LRCH2: variants seen among roughly 807,000 people sequenced by gnomAD.
The protein encoded by LRCH2 is leucine rich repeats and calponin homology domain containing 2, also known as leucine-rich repeat and calponin homology domain-containing protein 2.
A neutral mutation model predicts 68.9 loss-of-function variants in LRCH2; 38 were observed. The ratio of observed to expected loss-of-function variants is 0.55; its 90% confidence interval spans 0.43 to 0.72. LRCH2 has a LOEUF of 0.72. Ranked by LOEUF, LRCH2 falls within the 30% of genes least tolerant of loss-of-function variation. The pLI is 0.00. For synonymous variants in LRCH2, 191 were observed against 208.1 expected, an observed-to-expected ratio of 0.92 and a Z score of 0.71; for missense variants, 528 against 572.9, an observed-to-expected ratio of 0.92 and a Z score of 0.80.
intron 1 of LRCH2, among the ~76,000 whole-genome samples, chrX:115,210,705 C>A (rs1324077973): frequency 9.0e-6 from 1 of 111,197 alleles, no homozygotes; most frequent in Non-Finnish European, 1.9e-5. Flanking sequence ...CCTGGAAAGG[C>A]CACAGACACT....
At chrX:115,166,010 T>C in intron 7 of LRCH2, 58 bp from the exon 8 acceptor site, 1 of 850,716 alleles carries the variant, frequency 1.2e-6, no homozygotes, top group Non-Finnish European at 1.7e-6. Context: ...ATATGGATTA[T>C]GTTACTTCAA....
chrX:115,200,050 A>C (rs2072919226), intron 1 of LRCH2, among the ~76,000 whole-genome samples: 1 of 112,524 alleles, frequency 8.9e-6, no homozygotes, highest in Non-Finnish European at 1.9e-5. Flanking sequence ...CATTGGATCA[A>C]AGAAGAAATT....
chrX:115,125,596 C>T (rs1329787918), intron 16 of LRCH2, among the ~76,000 whole-genome samples: 2 of 18,792 alleles, frequency 1.1e-4, no homozygotes, highest in Admixed American at 1.0e-3. Flanking sequence ...TATATATACA[C>T]ATATATATAC....
chrX:115,160,331 A>T (rs2072510077), intron 11 of LRCH2, among the ~76,000 whole-genome samples: 1 of 111,641 alleles, frequency 9.0e-6, no homozygotes, highest in African/African-American at 3.3e-5. Flanking sequence ...ATATTAAAAA[A>T]AAATAAATTA....
intron 3 of LRCH2, among the ~76,000 whole-genome samples, chrX:115,181,830 CAGTT>C (rs2072693742): frequency 9.0e-6 from 1 of 111,673 alleles, no homozygotes; most frequent in South Asian, 3.7e-4. Flanking sequence ...AATTAAAAAA[CAGTT>C]GGTCCTCTGT....
chrX:115,118,054 C>T (rs1458914533), intron 20 of LRCH2, among the ~76,000 whole-genome samples: 2 of 109,432 alleles, frequency 1.8e-5, no homozygotes, highest in Non-Finnish European at 3.8e-5. Flanking sequence ...AAAATAAAAC[C>T]CTTAAAACAA....
chrX:115,154,574 A>G (rs782688274), intron 12 of LRCH2, among the ~76,000 whole-genome samples: 2 of 111,973 alleles, frequency 1.8e-5, no homozygotes, highest in African/African-American at 6.5e-5. Flanking sequence ...ACAAATTACA[A>G]AAGAAGCAAT....
intron 14 of LRCH2, among the ~76,000 whole-genome samples, chrX:115,131,254 C>CT (rs1361041081): frequency 1.2e-5 from 1 of 85,121 alleles, no homozygotes; most frequent in African/African-American, 5.6e-5. Flanking sequence ...AATCCCTCCC[C>CT]CCCCCTCCAC....
intron 1 of LRCH2, among the ~76,000 whole-genome samples, chrX:115,205,201 C>A (rs183760935): frequency 4.5e-5 from 5 of 111,651 alleles, no homozygotes; most frequent in Non-Finnish European, 9.4e-5. Context: ...GGGAAACCAC[C>A]CTCATGATCC....
intron 8 of LRCH2, 37 bp from the exon 9 acceptor site, chrX:115,165,692 A>G (rs782783196): frequency 1.0e-6 from 1 of 999,936 alleles, no homozygotes; most frequent in Admixed American, 2.9e-5. Flanking sequence ...AAATGTACAT[A>G]GTAAACTGTA....
intron 5 of LRCH2, among the ~76,000 whole-genome samples, chrX:115,171,666 TTTTTTTTG>T (rs2072605154): frequency 1.8e-5 from 2 of 109,734 alleles, no homozygotes; most frequent in East Asian, 2.8e-4. Context: ...CTACTTCTCC[TTTTTTTTG>T]TTTTTTTGTT....
chrX:115,179,478 A>T lies in LRCH2; in HGVS notation c.813T>A (p.His271Gln), dbSNP rs2072675504. 2 of 1,152,846 alleles carry T rather than the reference A, an allele frequency of 1.7e-6. No homozygotes were observed. Among genetic ancestry groups the T allele is most frequent in the Non-Finnish European group, 2.3e-6 (2 of 865,906 alleles). The part of the protein sequence containing the change: ...EIPVCYRKLH[H>Q]LQVIILDNNP... The stretch of plus-strand genomic sequence containing the variant: ...TGTTATCCAAAATTATTACTTGTAA[A>T]TGATGCAGCTTTCTGTAACAAACTG... Residue 271 changes from histidine (H) to glutamine (Q), a missense_variant, in exon 5 of 21, where the codon CAT (histidine) becomes CAA (glutamine). His to Gln is a conservative substitution (Grantham distance 24, BLOSUM62 0). Transcript: ENST00000317135.
chrX:115,149,575 T>A (rs960865882), intron 14 of LRCH2, among the ~76,000 whole-genome samples: 1 of 111,822 alleles, frequency 8.9e-6, no homozygotes, highest in Non-Finnish European at 1.9e-5. Flanking sequence ...CAACTAGCAG[T>A]GCAGCAAACA....
intron 8 of LRCH2, 41 bp downstream of exon 8, chrX:115,165,800 T>C (rs782662255): frequency 9.9e-7 from 1 of 1,014,557 alleles, no homozygotes; most frequent in South Asian, 2.2e-5. Context: ...TAATGTGGGC[T>C]ATGTACATGA....
intron 1 of LRCH2, chrX:115,189,380 C>T: frequency 1.8e-6 from 2 of 1,110,343 alleles, no homozygotes; most frequent in Non-Finnish European, 2.4e-6. Flanking sequence ...GCTCGAAGGC[C>T]GCGACTGAAC....
At chrX:115,164,720 G>A (rs1556543657) in intron 10 of LRCH2, among the ~76,000 whole-genome samples, 1 of 110,559 alleles carries the variant, frequency 9.0e-6, no homozygotes, top group East Asian at 2.8e-4. Flanking sequence ...AAAAAATGAG[G>A]TCAGTATCTA....
chrX:115,184,627 T>C, intron 2 of LRCH2, 90 bp from the exon 3 acceptor site: 5 of 828,877 alleles, frequency 6.0e-6, no homozygotes, highest in Non-Finnish European at 8.1e-6. Context: ...TAAATAATAT[T>C]CTATCACTAA....
intron 20 of LRCH2, 121 bp downstream of exon 20, chrX:115,122,406 C>G: frequency 1.9e-6 from 1 of 526,625 alleles, no homozygotes; most frequent in Non-Finnish European, 3.1e-6. Context: ...GGAGAAGGTA[C>G]CAAGAGAAGG....
At chrX:115,173,392 C>A (rs965158115) in intron 5 of LRCH2, among the ~76,000 whole-genome samples, 1 of 111,510 alleles carries the variant, frequency 9.0e-6, no homozygotes, top group Non-Finnish European at 1.9e-5. Flanking sequence ...CACTGCCAAC[C>A]CCTCGAGTAG....
Sources: allele counts gnomAD v4.1 joint callset (sites outside exome capture counted in the v4.1 genomes callset), GRCh38; gene constraint gnomAD v4.1.1; transcripts MANE v1.5; gene names NCBI Gene and HGNC (gene_info 2026-07-23, HGNC 2026-07-21).